SHANK2: variants seen among roughly 807,000 people sequenced by gnomAD.
SHANK2 encodes SH3 and multiple ankyrin repeat domains 2.
In SHANK2, 43 loss-of-function variants were observed where a neutral mutation model predicts 133.7. The observed-to-expected ratio is 0.32, with a 90% CI of 0.25 to 0.41. SHANK2 has a LOEUF of 0.41. Among genes scored for constraint, SHANK2 ranks in the 10% least tolerant of loss-of-function variants. The probability of loss-of-function intolerance (pLI) is 1.00; values close to 1 mark genes in which losing one functional copy is unlikely to be tolerated. For missense variants in SHANK2, 1,994 were observed against 2,235.8 expected, an observed-to-expected ratio of 0.89 and a Z score of 2.18; for synonymous variants, 1,017 against 952.8, an observed-to-expected ratio of 1.07 and a Z score of -1.24.
At chr11:71,116,215 A>T (rs536878957) in intron 4 of SHANK2, among the ~76,000 whole-genome samples, 52 of 152,248 alleles carry the variant, frequency 3.4e-4, no homozygotes, top group African/African-American at 1.1e-3. Context: ...TGAGTAGAGA[A>T]CCCACTTAGG....
intron 9 of SHANK2, among the ~76,000 whole-genome samples, chr11:71,074,865 C>T (rs1025693871): frequency 3.3e-5 from 5 of 151,018 alleles, no homozygotes; most frequent in East Asian, 2.0e-4. Flanking sequence ...CTGCAAGCTC[C>T]GCCTCCTGGG....
At chr11:70,584,503 C>A (rs575141925) in intron 17 of SHANK2, among the ~76,000 whole-genome samples, 2 of 152,136 alleles carry the variant, frequency 1.3e-5, no homozygotes, top group Non-Finnish European at 2.9e-5. Flanking sequence ...ATGCTCCCAG[C>A]CACTAACCCT....
chr11:70,582,310 A>ACTG (rs1431257970), intron 17 of SHANK2, among the ~76,000 whole-genome samples: 14 of 152,254 alleles, frequency 9.2e-5, no homozygotes, highest in Admixed American at 5.2e-4. Flanking sequence ...TAACTCTACT[A>ACTG]CTGCTGACTG....
chr11:71,099,712 C>A lies in SHANK2; in HGVS notation c.593-5024G>T, dbSNP rs150947099. Among the ~76,000 whole-genome samples, 469 of 152,238 alleles carry A rather than the reference C, an allele frequency of 3.1e-3. 1 individual carries two copies. The highest frequency in any genetic ancestry group is 0.011 in the African/African-American group (452 of 41,510). On this transcript the variant is annotated intron_variant, in intron 6 of 25. Coordinates refer to ENST00000601538, the MANE Select transcript of SHANK2 (RefSeq NM_012309.5). ...AAGATATTCAGATAGCCAACACACA[C>A]GAGAAGATGCTCCACACCGTATGTC...
chr11:71,074,506 CTG>C (rs1951192908), intron 9 of SHANK2, among the ~76,000 whole-genome samples: 1 of 152,038 alleles, frequency 6.6e-6, no homozygotes, highest in African/African-American at 2.4e-5. Flanking sequence ...GATTGTTTTG[CTG>C]TGTTTTGCTG....
chr11:71,074,946 A>AT (rs1335409216), intron 9 of SHANK2, among the ~76,000 whole-genome samples: 1 of 151,676 alleles, frequency 6.6e-6, no homozygotes, highest in Non-Finnish European at 1.5e-5. Flanking sequence ...TGCCCGGCTA[A>AT]TTTTTTGTAT....
At chr11:71,128,322 A>G (rs752813877) in intron 3 of SHANK2, among the ~76,000 whole-genome samples, 3 of 152,098 alleles carry the variant, frequency 2.0e-5, no homozygotes, top group Non-Finnish European at 4.4e-5. Flanking sequence ...TCCTTCCGAA[A>G]CCTGCTGCGT....
Position 70,708,157 on chromosome 11 carries a change from C to T in SHANK2, c.1778-9394G>A, listed in dbSNP as rs542757503. Reference sequence around the variant, plus strand: ...GACCAAGGTCCATTTCTTCATGCAACCCAGCTCAGGCAAGCTTTGTATTTC... The same window carrying T: ...GACCAAGGTCCATTTCTTCATGCAATCCAGCTCAGGCAAGCTTTGTATTTC... On this transcript the variant is annotated intron_variant, in intron 14 of 25. Coordinates refer to ENST00000601538, the MANE Select transcript of SHANK2 (RefSeq NM_012309.5). 1.7e-3 allele frequency among the ~76,000 whole-genome samples: 252 copies of T among 152,318 alleles called. 2 individuals carry two copies. The highest frequency in any genetic ancestry group is 5.8e-3 in the African/African-American group (241 of 41,570).
intron 10 of SHANK2, among the ~76,000 whole-genome samples, chr11:70,937,500 C>T (rs985180762): frequency 9.2e-5 from 14 of 152,208 alleles, no homozygotes; most frequent in African/African-American, 2.9e-4. Flanking sequence ...CCTACAACTT[C>T]CTGAGGACAT....
chr11:71,219,827 G>A (rs1409704830), intron 2 of SHANK2, among the ~76,000 whole-genome samples: 1 of 152,108 alleles, frequency 6.6e-6, no homozygotes, highest in African/African-American at 2.4e-5. Context: ...GAGCCCAGGA[G>A]GCAGAGGTTA....
intron 3 of SHANK2, among the ~76,000 whole-genome samples, chr11:71,121,033 C>T (rs1356429739): frequency 1.3e-5 from 2 of 152,212 alleles, no homozygotes; most frequent in East Asian, 3.8e-4. Flanking sequence ...AGCACGGGGG[C>T]CAACCCCACA....
chr11:71,234,270 G>A (rs1477162650), intron 1 of SHANK2, among the ~76,000 whole-genome samples: 1 of 149,518 alleles, frequency 6.7e-6, no homozygotes, highest in Non-Finnish European at 1.5e-5. Flanking sequence ...GCTGAGGCAG[G>A]AGAATTGCTT....
chr11:71,183,003 C>T (rs1337263628), intron 2 of SHANK2, among the ~76,000 whole-genome samples: 2 of 152,214 alleles, frequency 1.3e-5, no homozygotes, highest in Non-Finnish European at 2.9e-5. Context: ...TAAACTCCTT[C>T]ATCTCTGACC....
chr11:70,772,976 C>T (rs1947285837), intron 14 of SHANK2, among the ~76,000 whole-genome samples: 1 of 152,192 alleles, frequency 6.6e-6, no homozygotes, highest in Admixed American at 6.5e-5. Context: ...ATCTGGTTTC[C>T]AGATCCAGCT....
intron 20 of SHANK2, among the ~76,000 whole-genome samples, chr11:70,501,526 T>C (rs563577364): frequency 4.6e-5 from 7 of 152,314 alleles, no homozygotes; most frequent in African/African-American, 1.7e-4. Flanking sequence ...ACATGCCATC[T>C]CTGTGTGTTT....
intron 14 of SHANK2, among the ~76,000 whole-genome samples, chr11:70,740,493 C>T (rs1946501162): frequency 6.6e-6 from 1 of 152,118 alleles, no homozygotes; most frequent in Non-Finnish European, 1.5e-5. Flanking sequence ...TTCTGGGTCT[C>T]TCAAATCCTC....
intron 21 of SHANK2, among the ~76,000 whole-genome samples, chr11:70,493,881 T>C (rs2058932124): frequency 6.6e-6 from 1 of 152,200 alleles, no homozygotes; most frequent in Non-Finnish European, 1.5e-5. Flanking sequence ...ATGAGGCTAT[T>C]GTGCAAGTTA....
chr11:70,649,153 T>G (rs2061308619), intron 17 of SHANK2, among the ~76,000 whole-genome samples: 1 of 152,184 alleles, frequency 6.6e-6, no homozygotes, highest in African/African-American at 2.4e-5. Context: ...CTCCTCCATC[T>G]GCAACCCCAG....
At chr11:71,146,950 C>A (rs781961887) in intron 3 of SHANK2, among the ~76,000 whole-genome samples, 170 bp downstream of exon 3, 1 of 151,668 alleles carries the variant, frequency 6.6e-6, no homozygotes, top group South Asian at 2.1e-4. Context: ...GAGGCGGGCA[C>A]GGCAGGGAGC....
Sources: allele counts gnomAD v4.1 joint callset (sites outside exome capture counted in the v4.1 genomes callset), GRCh38; gene constraint gnomAD v4.1.1; transcripts MANE v1.5; gene names NCBI Gene and HGNC (gene_info 2026-07-23, HGNC 2026-07-21).